MCPH1: variants seen among roughly 807,000 people sequenced by gnomAD.
MCPH1 encodes microcephalin 1, also known as microcephalin.
A neutral mutation model predicts 84.5 loss-of-function variants in MCPH1; 104 were observed. That is an observed-to-expected ratio of 1.23 (90% CI 1.05 to 1.45). MCPH1 has a LOEUF of 1.45. Among genes scored for constraint, MCPH1 ranks in the 40% most tolerant of loss-of-function variants. MCPH1 has a pLI of 0.00. For synonymous variants in MCPH1, 514 were observed against 366.8 expected (o/e 1.40, Z -4.58); for missense variants, 1,498 against 1,005.7 (o/e 1.49, Z -6.62).
rs779574939 is a variant in MCPH1, at chr8:6,509,090, A to T, written c.2214+9161A>T. Reference sequence around the variant, plus strand: ...GTAAGCGTGCAAAGAAAAAAAACACATTGGCTAGGGTCATTGATTTACCGT... The same window carrying T: ...GTAAGCGTGCAAAGAAAAAAAACACTTTGGCTAGGGTCATTGATTTACCGT... On this transcript the variant is annotated intron_variant, in intron 12 of 13. Transcript: ENST00000344683. The T allele has an allele frequency of 4.3e-6, 7 of 1,609,980 alleles. No individual in the cohort carries two copies. The South Asian group carries it at 6.6e-5, about 15-fold the overall frequency.
intron 12 of MCPH1, among the ~76,000 whole-genome samples, chr8:6,550,028 T>C (rs1823345698): frequency 6.6e-6 from 1 of 152,220 alleles, no homozygotes; most frequent in African/African-American, 2.4e-5. Context: ...GGGGACGTGC[T>C]GTGAATGGAA....
At chr8:6,459,084 A>G (rs1024345038) in intron 9 of MCPH1, among the ~76,000 whole-genome samples, 12 of 152,226 alleles carry the variant, frequency 7.9e-5, no homozygotes, top group Non-Finnish European at 1.2e-4. Flanking sequence ...TTTTAAAAGT[A>G]TACAGTGGAA....
chr8:6,571,760 C>CT (rs1293268317), intron 12 of MCPH1, among the ~76,000 whole-genome samples: 2 of 152,026 alleles, frequency 1.3e-5, no homozygotes, highest in Non-Finnish European at 1.5e-5. Flanking sequence ...ATCTGGCGGA[C>CT]TTAATATGAA....
intron 12 of MCPH1, among the ~76,000 whole-genome samples, chr8:6,593,695 G>A (rs1828696750): frequency 6.6e-6 from 1 of 152,138 alleles, no homozygotes; most frequent in African/African-American, 2.4e-5. Flanking sequence ...CTTTGCTCTG[G>A]TTGCGGTCTT....
intron 12 of MCPH1, among the ~76,000 whole-genome samples, chr8:6,504,873 G>T (rs1194119575): frequency 6.6e-6 from 1 of 152,034 alleles, no homozygotes; most frequent in Non-Finnish European, 1.5e-5. Context: ...TCAGGCATTT[G>T]CTGGACATCT....
chr8:6,631,861 G>C (rs569978583), intron 13 of MCPH1, among the ~76,000 whole-genome samples: 1 of 152,310 alleles, frequency 6.6e-6, no homozygotes, highest in East Asian at 1.9e-4. Context: ...ATTGAAAGCA[G>C]GATCTCAAAA....
intron 12 of MCPH1, chr8:6,513,868 A>C (rs1196578680): frequency 3.2e-6 from 5 of 1,581,730 alleles, no homozygotes; most frequent in Non-Finnish European, 3.4e-6. Flanking sequence ...TGTTAAATTC[A>C]ATTATTTCAT....
chr8:6,558,727 C>T (rs139610246), intron 12 of MCPH1, among the ~76,000 whole-genome samples: 301 of 152,184 alleles, frequency 2.0e-3, no homozygotes, highest in African/African-American at 6.9e-3. Flanking sequence ...AATCATCTCC[C>T]CATAGTGTGA....
chr8:6,585,080 G>A (rs186580442), intron 12 of MCPH1, among the ~76,000 whole-genome samples: 4 of 152,326 alleles, frequency 2.6e-5, no homozygotes, highest in African/African-American at 4.8e-5. Flanking sequence ...CTAGCAGTTC[G>A]GCTGGAGTAT....
intron 12 of MCPH1, among the ~76,000 whole-genome samples, chr8:6,593,050 G>A (rs994274797): frequency 1.7e-4 from 26 of 148,864 alleles, no homozygotes; most frequent in African/African-American, 5.2e-4. Context: ...CTTCAAGGCC[G>A]CAGTTTGGAC....
At chr8:6,422,535 A>T (rs541099300) in intron 3 of MCPH1, among the ~76,000 whole-genome samples, 1 of 152,148 alleles carries the variant, frequency 6.6e-6, no homozygotes, top group African/African-American at 2.4e-5. Context: ...GCTGAGAGTT[A>T]GGGATTCTTA....
At chr8:6,452,777 G>T (rs1805232415) in intron 8 of MCPH1, among the ~76,000 whole-genome samples, 1 of 152,222 alleles carries the variant, frequency 6.6e-6, no homozygotes, top group Non-Finnish European at 1.5e-5. Context: ...ACCCGACCAT[G>T]GGGGCACCGT....
chr8:6,635,922 T>C (rs1215353695), intron 13 of MCPH1, among the ~76,000 whole-genome samples: 1 of 152,238 alleles, frequency 6.6e-6, no homozygotes, highest in East Asian at 1.9e-4. Context: ...CTGATGCCAC[T>C]GGCTGCTTAG....
Position 6,543,455 on chromosome 8 carries a change from G to T in MCPH1, c.2214+43526G>T, listed in dbSNP as rs372725750. On this transcript the variant is annotated intron_variant, in intron 12 of 13. Transcript: ENST00000344683. ...ATTTCCGTGCTCTGCAGCAACTTGA[G>T]ACTCCTGTGAGCAAAACGCACTGAC... 8.5e-5 allele frequency among the ~76,000 whole-genome samples: 13 copies of T among 152,274 alleles called. No homozygotes were observed. In the East Asian group the frequency reaches 1.4e-3, roughly 16 times the overall value.
In MCPH1 at chr8:6,499,099, T is replaced by A. The variant is rs192929774; in HGVS notation, c.2137-753T>A. On this transcript the variant is annotated intron_variant, in intron 11 of 13. Coordinates refer to ENST00000344683, the MANE Select transcript of MCPH1 (RefSeq NM_024596.5). ...ATAAATAAATAAATAAATAAATAAATAAAATAAACATGAATTGTATAATCC... is the reference window on the plus strand; with the variant it reads ...ATAAATAAATAAATAAATAAATAAAAAAAATAAACATGAATTGTATAATCC... 2.8e-5 allele frequency among the ~76,000 whole-genome samples: 4 copies of A among 145,056 alleles called. No individual in the cohort carries two copies. The East Asian group carries it at 5.9e-4, about 21-fold the overall frequency.
intron 11 of MCPH1, among the ~76,000 whole-genome samples, chr8:6,486,866 T>A (rs1214044741): frequency 1.3e-5 from 2 of 152,238 alleles, no homozygotes; most frequent in Non-Finnish European, 2.9e-5. Context: ...ATAGCACAAT[T>A]TGAACCTTTA....
chr8:6,471,166 C>T (rs937824981), intron 9 of MCPH1, among the ~76,000 whole-genome samples: 2 of 152,108 alleles, frequency 1.3e-5, no homozygotes. Context: ...CTGAGAACAC[C>T]GTAAGCAAAG....
rs1313391421 is a variant in MCPH1, at chr8:6,645,683, T to G, written c.*2634T>G. On this transcript the variant is annotated 3_prime_UTR_variant, in exon 14 of 14. Transcript: ENST00000344683. ...GATTGCAATATACAATCTTGCAATC[T>G]TCCTAAAGATTATATACAAACCTAA... is the stretch of plus-strand genomic sequence containing the variant. 2 of 149,478 alleles carry G rather than the reference T, an allele frequency of 1.3e-5. No individual in the cohort carries two copies. Among genetic ancestry groups the G allele is most frequent in the African/African-American group, 4.9e-5 (2 of 40,636 alleles). The allele number at this position is 149,478 out of a possible 1,614,324, so 9.3% of individuals were successfully genotyped here.
intron 3 of MCPH1, among the ~76,000 whole-genome samples, chr8:6,420,618 C>G (rs1800035142): frequency 6.6e-6 from 1 of 151,956 alleles, no homozygotes; most frequent in African/African-American, 2.4e-5. Flanking sequence ...ATTGAAATGG[C>G]TTATTGATTT....
Sources: gnomAD v4.1 joint callset for allele counts (sites outside exome capture counted in the v4.1 genomes callset) on GRCh38, gnomAD v4.1.1 for gene constraint, MANE v1.5 for transcripts, NCBI Gene and HGNC (gene_info 2026-07-23, HGNC 2026-07-21) for gene names.